The following VWA5B1 variants were observed in gnomAD, a reference collection of about 807,000 sequenced individuals.
VWA5B1 encodes von Willebrand factor A domain-containing protein 5B1.
A neutral mutation model predicts 118.2 loss-of-function variants in VWA5B1; 115 were observed. The observed-to-expected ratio is 0.97, with a 90% confidence interval of 0.84 to 1.14. The LOEUF (loss-of-function observed/expected upper bound fraction) is 1.14. VWA5B1 is among the 50% of genes most tolerant of loss of function. The pLI, the probability that VWA5B1 is intolerant of heterozygous loss-of-function variation, is 0.00. For synonymous variants in VWA5B1, 682 were observed against 658.4 expected, an observed-to-expected ratio of 1.04 and a Z score of -0.55; for missense variants, 1,596 against 1,603.8, an observed-to-expected ratio of 1.00 and a Z score of 0.08.
chr1:20,313,945 G>A lies in VWA5B1; in HGVS notation c.293-377G>A, dbSNP rs1011158723. 5.3e-5 allele frequency among the ~76,000 whole-genome samples: 8 copies of A among 152,170 alleles called. 1 individual carries two copies. The highest frequency in any genetic ancestry group is 4.4e-5 in the Non-Finnish European group (3 of 68,034). ...TGGGTGGGTAGACTGGCTAATTAGG[G>A]ATGAAGGAATAGGTGTTTTGATAAA... On this transcript the variant is annotated intron_variant, in intron 3 of 21. Coordinates refer to ENST00000289815, the MANE Select transcript of VWA5B1 (RefSeq NM_001039500.3).
chr1:20,354,162 G>A lies in VWA5B1; in HGVS notation c.3547G>A (p.Gly1183Ser). The change falls in exon 22 of 22, where the codon GGC becomes AGC. Residue 1183 changes from glycine (G) to serine (S), a missense_variant. Physicochemically the swap from Gly to Ser is moderately conservative, Grantham distance 56 (BLOSUM62 0). Transcript: ENST00000289815. The part of the protein sequence containing the change: ...QQEVPEGRTQ[G>S]TLKAAARQLF... Reference sequence around the variant, plus strand: ...GGAAGTACCCGAGGGCCGCACGCAGGGCACACTCAAGGCCGCTGCCCGCCA... The same window carrying A: ...GGAAGTACCCGAGGGCCGCACGCAGAGCACACTCAAGGCCGCTGCCCGCCA... 2 of 1,551,336 alleles carry A rather than the reference G, an allele frequency of 1.3e-6. No individual in the cohort carries two copies. The highest frequency in any genetic ancestry group is 2.4e-5 in the South Asian group (2 of 84,062).
At position 20,352,160 on chromosome 1, in the gene VWA5B1, C is replaced by A. The variant is rs1455258865; in HGVS notation, c.3129C>A (p.Asp1043Glu). 26 of 1,550,972 alleles carry A rather than the reference C, an allele frequency of 1.7e-5. No homozygotes were observed. Among genetic ancestry groups the A allele is most frequent in the South Asian group, 4.8e-5 (4 of 83,990 alleles). The change falls in exon 21 of 22, where the codon GAC becomes GAA. Residue 1043 changes from aspartate to glutamate, a missense_variant. Physicochemically the swap from Asp to Glu is conservative, Grantham distance 45. Transcript: ENST00000289815. The stretch of plus-strand genomic sequence containing the variant: ...CGACCTCCGGGAACCAGAGCTTCGA[C>A]TACATACCTCTGGTGAGTGCCCTGA... ...VESTSGNQSFDYIPLVSLQLA... is the reference protein window; with the variant it reads ...VESTSGNQSFEYIPLVSLQLA...
chr1:20,300,176 G>C (rs1267124297), intron 1 of VWA5B1, among the ~76,000 whole-genome samples: 1 of 152,202 alleles, frequency 6.6e-6, no homozygotes, highest in African/African-American at 2.4e-5. Context: ...GCTTCATAGG[G>C]TCTTTCTGGG....
intron 1 of VWA5B1, among the ~76,000 whole-genome samples, chr1:20,305,663 G>A (rs1164403276): frequency 6.6e-6 from 1 of 152,066 alleles, no homozygotes; most frequent in Non-Finnish European, 1.5e-5. Flanking sequence ...GGGAAGGTTT[G>A]GAGAGGTGGG....
intron 12 of VWA5B1, among the ~76,000 whole-genome samples, chr1:20,334,811 C>T (rs1041882747): frequency 6.7e-6 from 1 of 150,038 alleles, no homozygotes; most frequent in Non-Finnish European, 1.5e-5. Context: ...ACTCTGTCTC[C>T]AAGAAAAAAA....
intron 1 of VWA5B1, among the ~76,000 whole-genome samples, chr1:20,305,684 G>A (rs909075836): frequency 6.6e-6 from 1 of 152,020 alleles, no homozygotes; most frequent in Non-Finnish European, 1.5e-5. Context: ...CAGTGGCCAG[G>A]AGCTGACTCA....
At position 20,343,282 on chromosome 1, in the gene VWA5B1, G is replaced by A; in HGVS notation, c.2515G>A (p.Gly839Ser). 6.5e-7 allele frequency: 1 copy of A among 1,548,024 alleles called. No individual in the cohort carries two copies. Among genetic ancestry groups the A allele is most frequent in the Non-Finnish European group, 8.7e-7 (1 of 1,146,734 alleles). Reference sequence around the variant, plus strand: ...GCTGGGGACCCCTGGACCGGAGCGGGGCGGCGCGCAGGATGCCGACCTATG... The same window carrying A: ...GCTGGGGACCCCTGGACCGGAGCGGAGCGGCGCGCAGGATGCCGACCTATG... ...FELGTPGPER[G>S]GAQDADLWSE... Residue 839 changes from glycine (G) to serine (S), a missense_variant, in exon 16 of 22, where the codon GGC (glycine) becomes AGC (serine). Coordinates refer to ENST00000289815, the MANE Select transcript of VWA5B1 (RefSeq NM_001039500.3).
chr1:20,307,011 T>C (rs1341261728), intron 1 of VWA5B1, among the ~76,000 whole-genome samples: 3 of 152,144 alleles, frequency 2.0e-5, no homozygotes, highest in Non-Finnish European at 4.4e-5. Flanking sequence ...CCTGGCCCCT[T>C]TTGCCAGCTC....
At chr1:20,332,712 T>C in intron 11 of VWA5B1, 54 bp from the exon 12 acceptor site, 12 of 1,531,024 alleles carry the variant, frequency 7.8e-6, no homozygotes, top group Non-Finnish European at 1.1e-5. Flanking sequence ...CATGATCTTC[T>C]GTACACATCT....
intron 9 of VWA5B1, among the ~76,000 whole-genome samples, chr1:20,328,760 A>G (rs2089460995): frequency 6.6e-6 from 1 of 152,302 alleles, no homozygotes; most frequent in South Asian, 2.1e-4. Flanking sequence ...AATGACAACA[A>G]CAAAAGAATA....
intron 10 of VWA5B1, 124 bp from the exon 11 acceptor site, chr1:20,330,745 C>T (rs946400024): frequency 6.2e-6 from 6 of 972,278 alleles, no homozygotes; most frequent in Non-Finnish European, 9.6e-6. Context: ...TCTCCCTCTC[C>T]CTCTACCTGA....
At chr1:20,312,140 G>A (rs564864085) in intron 2 of VWA5B1, among the ~76,000 whole-genome samples, 49 of 152,286 alleles carry the variant, frequency 3.2e-4, no homozygotes, top group African/African-American at 9.9e-4. Flanking sequence ...ATCCCCAGCC[G>A]CCAGCATTAC....
intron 8 of VWA5B1, among the ~76,000 whole-genome samples, chr1:20,325,129 A>T (rs2100902160): frequency 6.6e-6 from 1 of 152,360 alleles, no homozygotes; most frequent in Non-Finnish European, 1.5e-5. Context: ...TTTTCCCAGC[A>T]TCACAGGGCT....
rs1453951763 is a variant in VWA5B1, at chr1:20,341,013, A to G, written c.2134-1419A>G. 6.6e-5 allele frequency among the ~76,000 whole-genome samples: 10 copies of G among 152,236 alleles called. 1 individual carries two copies. The highest frequency in any genetic ancestry group is 2.4e-4 in the African/African-American group (10 of 41,470). ...TGAACAGTTCTATGAGATTTGACTA[A>G]CGTATATGGTCATGTAATCATCGCC... On this transcript the variant is annotated intron_variant, in intron 14 of 21. Transcript: ENST00000289815.
At chr1:20,313,595 C>A (rs2088912246) in intron 3 of VWA5B1, among the ~76,000 whole-genome samples, 1 of 152,216 alleles carries the variant, frequency 6.6e-6, no homozygotes, top group Non-Finnish European at 1.5e-5. Context: ...CGTCACACAG[C>A]ATGTTAGTGG....
intron 10 of VWA5B1, 123 bp from the exon 11 acceptor site, chr1:20,330,746 C>A: frequency 1.0e-6 from 1 of 989,324 alleles, no homozygotes; most frequent in Non-Finnish European, 1.6e-6. Context: ...CTCCCTCTCC[C>A]TCTACCTGAA....
chr1:20,327,347 C>A (rs912055798), intron 8 of VWA5B1, among the ~76,000 whole-genome samples: 1 of 152,090 alleles, frequency 6.6e-6, no homozygotes, highest in Non-Finnish European at 1.5e-5. Flanking sequence ...TCCTGTGTAC[C>A]TGACAAATAT....
At position 20,291,901 on chromosome 1, in the gene VWA5B1, C is replaced by T. The variant is rs1008062402; in HGVS notation, c.-27+813C>T. ...GCTGGAAGTTCCACCATAACGTCTGCGGCAGCCCCAACAGTTCCACCCCAT... is the reference window on the plus strand; with the variant it reads ...GCTGGAAGTTCCACCATAACGTCTGTGGCAGCCCCAACAGTTCCACCCCAT... On this transcript the variant is annotated intron_variant, in intron 1 of 21. Transcript: ENST00000289815. 2.6e-5 allele frequency among the ~76,000 whole-genome samples: 4 copies of T among 152,312 alleles called. No homozygotes were observed. The South Asian group carries it at 6.2e-4, about 24-fold the overall frequency.
intron 8 of VWA5B1, among the ~76,000 whole-genome samples, chr1:20,327,530 C>T (rs1156645488): frequency 6.6e-6 from 1 of 152,106 alleles, no homozygotes; most frequent in Non-Finnish European, 1.5e-5. Context: ...AGGGTGCTCC[C>T]TGCTCTCCCC....
Sources: gnomAD v4.1 joint callset for allele counts (sites outside exome capture counted in the v4.1 genomes callset) on GRCh38, gnomAD v4.1.1 for gene constraint, MANE v1.5 for transcripts, NCBI Gene and HGNC (gene_info 2026-07-23, HGNC 2026-07-21) for gene names.